Variants in EPS8 observed in about 807,000 individuals in gnomAD.
The protein encoded by EPS8 is EGFR pathway substrate 8, signaling adaptor.
A neutral mutation model predicts 103.8 loss-of-function variants in EPS8; 42 were observed. That is an observed-to-expected ratio of 0.40 (90% CI 0.32 to 0.52). The LOEUF (loss-of-function observed/expected upper bound fraction) is 0.52, where lower values mean the gene tolerates loss of function less well. EPS8 is among the 20% of genes least tolerant of loss of function. The pLI, the probability that EPS8 is intolerant of heterozygous loss-of-function variation, is 0.40. For missense variants in EPS8, 969 were observed against 1,005.1 expected (o/e 0.96, Z 0.49); for synonymous variants, 344 against 344.6 (o/e 1.00, Z 0.02).
chr12:15,736,352 C>T lies in EPS8; in HGVS notation c.-22+52809G>A, dbSNP rs956159964. On this transcript the variant is annotated intron_variant, in intron 1 of 20. Coordinates refer to ENST00000281172, the MANE Select transcript of EPS8 (RefSeq NM_004447.6). The surrounding 1 kb of genome is among the most constrained non-coding windows in gnomAD (Gnocchi z 4.2). ...ATTCCAACGCCATAAGTTAACACTA[C>T]GGAAATACTGAAGAGAATTTCATTC... Among the ~76,000 whole-genome samples the T allele has an allele frequency of 2.0e-5, 3 of 152,078 alleles. No individual in the cohort carries two copies. Among genetic ancestry groups the T allele is most frequent in the Non-Finnish European group, 2.9e-5 (2 of 68,014 alleles).
Position 15,660,741 on chromosome 12 carries a change from C to T in EPS8, c.811-1G>A. On this transcript the variant is annotated splice_acceptor_variant, in intron 9 of 20. Transcript: ENST00000281172. LOFTEE classifies it high-confidence loss of function. ...CATCCAAAATGTGGTTTAAGATTTG[C>T]TGAAATTAGAAATTATAGAATAAAA... 3 of 1,549,364 alleles carry T rather than the reference C, an allele frequency of 1.9e-6. No individual in the cohort carries two copies. Among genetic ancestry groups the T allele is most frequent in the Non-Finnish European group, 2.7e-6 (3 of 1,127,792 alleles).
At chr12:15,661,590 G>C (rs946034497) in intron 9 of EPS8, among the ~76,000 whole-genome samples, 1 of 152,054 alleles carries the variant, frequency 6.6e-6, no homozygotes, top group Non-Finnish European at 1.5e-5. Context: ...TTTTATAAAA[G>C]CTTTACGATT....
chr12:15,643,841 G>A (rs924165482), intron 15 of EPS8, among the ~76,000 whole-genome samples: 2 of 150,770 alleles, frequency 1.3e-5, no homozygotes, highest in African/African-American at 2.4e-5. Context: ...TAATAGATAC[G>A]CCACTTGATA....
chr12:15,739,760 C>T (rs1295363570), intron 1 of EPS8, among the ~76,000 whole-genome samples: 3 of 152,098 alleles, frequency 2.0e-5, no homozygotes, highest in Non-Finnish European at 4.4e-5. Context: ...TAATAAGCCC[C>T]TTATCATCTA....
intron 2 of EPS8, among the ~76,000 whole-genome samples, chr12:15,681,530 T>C (rs1478553553): frequency 6.6e-6 from 1 of 151,544 alleles, no homozygotes; most frequent in Non-Finnish European, 1.5e-5. Context: ...CAGGAGTTCG[T>C]GACCAGCCTG....
chr12:15,705,427 A>G (rs1946372445), intron 1 of EPS8, among the ~76,000 whole-genome samples: 1 of 152,220 alleles, frequency 6.6e-6, no homozygotes, highest in Non-Finnish European at 1.5e-5. Context: ...ATATGCATAT[A>G]AGTTTGGGTA....
intron 14 of EPS8, among the ~76,000 whole-genome samples, chr12:15,649,496 C>T (rs1322784185): frequency 6.6e-6 from 1 of 152,012 alleles, no homozygotes; most frequent in Admixed American, 6.6e-5. Context: ...AGTGATGAGG[C>T]CTGAACTATG....
chr12:15,662,531 T>C (rs770008157), intron 8 of EPS8: 5 of 986,374 alleles, frequency 5.1e-6, no homozygotes, highest in Non-Finnish European at 6.0e-6. Context: ...GTGACTACAA[T>C]AAAGCTTTCG....
rs1022580898 is a variant in EPS8, at chr12:15,716,934, C to G, written c.-21-33962G>C. 1.3e-5 allele frequency among the ~76,000 whole-genome samples: 2 copies of G among 152,202 alleles called. No individual in the cohort carries two copies. The highest frequency in any genetic ancestry group is 4.8e-5 in the African/African-American group (2 of 41,448). On this transcript the variant is annotated intron_variant, in intron 1 of 20. Coordinates refer to ENST00000281172, the MANE Select transcript of EPS8 (RefSeq NM_004447.6). This position sits in a 1 kb window ranked among gnomAD's most constrained non-coding sequence, Gnocchi z 5.0. The stretch of plus-strand genomic sequence containing the variant: ...AGATCCACTATCTGCTTTGTCTTCT[C>G]TAAACCAATCCTTCTCCTAACTTTA...
chr12:15,649,610 A>G (rs1340569872), intron 14 of EPS8, among the ~76,000 whole-genome samples: 1 of 152,166 alleles, frequency 6.6e-6, no homozygotes, highest in African/African-American at 2.4e-5. Flanking sequence ...CCCTTATAAT[A>G]CAGCCAGAGG....
Position 15,764,732 on chromosome 12 carries a change from A to C in EPS8, c.-22+24429T>G, listed in dbSNP as rs912845689. Reference sequence around the variant, plus strand: ...GGTGCTAGATCTTAGGGAAAGGGAAAGGTTCAGCTAAGACAATTTAAATAA... The same window carrying C: ...GGTGCTAGATCTTAGGGAAAGGGAACGGTTCAGCTAAGACAATTTAAATAA... On this transcript the variant is annotated intron_variant, in intron 1 of 20. Coordinates refer to ENST00000281172, the MANE Select transcript of EPS8 (RefSeq NM_004447.6). The surrounding 1 kb of genome is among the most constrained non-coding windows in gnomAD (Gnocchi z 4.1). 1.3e-5 allele frequency among the ~76,000 whole-genome samples: 2 copies of C among 152,202 alleles called. No homozygotes were observed. The highest frequency in any genetic ancestry group is 1.5e-5 in the Non-Finnish European group (1 of 68,036).
rs1946544136 is a variant in EPS8, at chr12:15,717,402, C to A, written c.-21-34430G>T. On this transcript the variant is annotated intron_variant, in intron 1 of 20. Coordinates refer to ENST00000281172, the MANE Select transcript of EPS8 (RefSeq NM_004447.6). This position sits in a 1 kb window ranked among gnomAD's most constrained non-coding sequence, Gnocchi z 4.3. Reference sequence around the variant, plus strand: ...AGGAGTTCAAGACCAGCCTGGGCAACATGGTGAAACCCCATCTCTACTAAA... The same window carrying A: ...AGGAGTTCAAGACCAGCCTGGGCAAAATGGTGAAACCCCATCTCTACTAAA... Among the ~76,000 whole-genome samples, 1 of 152,144 alleles carries A rather than the reference C, an allele frequency of 6.6e-6. No individual in the cohort carries two copies. The highest frequency in any genetic ancestry group is 2.4e-5 in the African/African-American group (1 of 41,430).
chr12:15,649,066 C>T (rs1232833805), intron 14 of EPS8, among the ~76,000 whole-genome samples: 1 of 152,192 alleles, frequency 6.6e-6, no homozygotes, highest in African/African-American at 2.4e-5. Context: ...TTCCCTGGAA[C>T]TGCTAGAATG....
rs558144157 is a variant in EPS8 at position 15,762,029 on chromosome 12, A to G, written c.-22+27132T>C. Among the ~76,000 whole-genome samples, 249 of 152,310 alleles carry G rather than the reference A, an allele frequency of 1.6e-3. 2 individuals carry two copies. Among genetic ancestry groups the G allele is most frequent in the Non-Finnish European group, 1.7e-3 (115 of 68,012 alleles). On this transcript the variant is annotated intron_variant, in intron 1 of 20. Coordinates refer to ENST00000281172, the MANE Select transcript of EPS8 (RefSeq NM_004447.6). This position sits in a 1 kb window ranked among gnomAD's most constrained non-coding sequence, Gnocchi z 4.8. ...ATCAGAGAAAATATATTTGCAAACT[A>G]TCCATCTGAAAAGAGATTAATAATC...
At chr12:15,664,843 G>A (rs1945679831) in intron 8 of EPS8, among the ~76,000 whole-genome samples, 1 of 152,156 alleles carries the variant, frequency 6.6e-6, no homozygotes, top group Non-Finnish European at 1.5e-5. Flanking sequence ...GAAGATACTA[G>A]ACCAAACATA....
At chr12:15,659,427 T>C (rs904735946) in intron 10 of EPS8, among the ~76,000 whole-genome samples, 6 of 152,044 alleles carry the variant, frequency 3.9e-5, no homozygotes, top group African/African-American at 1.2e-4. Flanking sequence ...GAAAATAAAA[T>C]TGATGTTGGC....
intron 1 of EPS8, among the ~76,000 whole-genome samples, chr12:15,708,960 C>A (rs1226443684): frequency 6.6e-6 from 1 of 152,222 alleles, no homozygotes; most frequent in Non-Finnish European, 1.5e-5. Context: ...TTAATTGTTT[C>A]ATCAGCTTTC....
At chr12:15,679,776 G>A (rs1448586645) in intron 3 of EPS8, among the ~76,000 whole-genome samples, 1 of 152,150 alleles carries the variant, frequency 6.6e-6, no homozygotes, top group Non-Finnish European at 1.5e-5. Flanking sequence ...CCTTCTCTTA[G>A]TCATCTTTGA....
intron 12 of EPS8, among the ~76,000 whole-genome samples, chr12:15,657,058 C>CT (rs1218763509): frequency 6.6e-6 from 1 of 152,130 alleles, no homozygotes; most frequent in African/African-American, 2.4e-5. Context: ...GCTGAAAACT[C>CT]TTCAGTTGTC....
Sources: allele counts gnomAD v4.1 joint callset (sites outside exome capture counted in the v4.1 genomes callset), GRCh38; gene constraint gnomAD v4.1.1; non-coding constraint Gnocchi (gnomAD v3.1); transcripts MANE v1.5; gene names NCBI Gene and HGNC (gene_info 2026-07-23, HGNC 2026-07-21).